Variants in ASB3 observed in about 807,000 individuals in gnomAD.
ASB3 encodes ankyrin repeat and SOCS box containing 3, also known as ankyrin repeat and SOCS box protein 3.
In ASB3, 41 loss-of-function variants were observed where a neutral mutation model predicts 54.5. The observed-to-expected ratio is 0.75, with a 90% CI of 0.59 to 0.98. The LOEUF (loss-of-function observed/expected upper bound fraction) is 0.98, where lower values mean the gene tolerates loss of function less well. Ranked by LOEUF, ASB3 falls within the 50% of genes least tolerant of loss-of-function variation. ASB3 has a pLI of 0.00. For synonymous variants in ASB3, 266 were observed against 221.2 expected (o/e 1.20, Z -1.80); for missense variants, 733 against 620.0 (o/e 1.18, Z -1.94).
chr2:53,712,784 G>C (rs144686977), intron 7 of ASB3, among the ~76,000 whole-genome samples: 1 of 151,702 alleles, frequency 6.6e-6, no homozygotes, highest in African/African-American at 2.4e-5. Context: ...GCGCGCGCGC[G>C]CAATCCAAAA....
chr2:53,677,305 G>A (rs943679184), intron 9 of ASB3, among the ~76,000 whole-genome samples: 6 of 152,126 alleles, frequency 3.9e-5, no homozygotes, highest in African/African-American at 1.4e-4. Flanking sequence ...TTCTCAGACT[G>A]TATCCCCGTT....
At chr2:53,784,321 C>A (rs545430525) in intron 1 of ASB3, among the ~76,000 whole-genome samples, 8 of 152,280 alleles carry the variant, frequency 5.3e-5, no homozygotes, top group Admixed American at 3.9e-4. Flanking sequence ...CTGTCAGGAC[C>A]TCCTGAGGCT....
chr2:53,783,519 G>A (rs767906484), intron 1 of ASB3, among the ~76,000 whole-genome samples: 5 of 151,702 alleles, frequency 3.3e-5, no homozygotes, highest in Admixed American at 6.6e-5. Context: ...TGCCAAGAAG[G>A]ATGAATGAAA....
At chr2:53,704,148 G>A (rs1292380472) in intron 7 of ASB3, among the ~76,000 whole-genome samples, 1 of 151,978 alleles carries the variant, frequency 6.6e-6, no homozygotes, top group African/African-American at 2.4e-5. Flanking sequence ...ATCACTTGAG[G>A]CCAGGAGTTT....
chr2:53,712,745 A>AACACAC (rs3061604), intron 7 of ASB3, among the ~76,000 whole-genome samples: 10 of 150,250 alleles, frequency 6.7e-5, no homozygotes, highest in African/African-American at 2.2e-4. Context: ...CATCATATTG[A>AACACAC]ACACACACAC....
At position 53,670,398 on chromosome 2, in the gene ASB3, A is replaced by G; in HGVS notation, c.*105T>C. 7.6e-7 allele frequency: 1 copy of G among 1,323,560 alleles called. No homozygotes were observed. Among genetic ancestry groups the G allele is most frequent in the Non-Finnish European group, 1.0e-6 (1 of 990,654 alleles). The allele number at this position is 1,323,560 out of a possible 1,614,324, so 82.0% of individuals were successfully genotyped here. On this transcript the variant is annotated 3_prime_UTR_variant, in exon 10 of 10. Transcript: ENST00000263634. ...AAACCTAACCTATCTCACAATCAAT[A>G]ATCATCTTTTGACTATAAAATCATA...
chr2:53,686,729 T>G (rs2103693949), intron 9 of ASB3, among the ~76,000 whole-genome samples: 1 of 152,214 alleles, frequency 6.6e-6, no homozygotes, highest in African/African-American at 2.4e-5. Context: ...ATTTATTTTC[T>G]GAGAGAGACA....
At chr2:53,671,981 C>G (rs1334090347) in intron 9 of ASB3, among the ~76,000 whole-genome samples, 1 of 152,166 alleles carries the variant, frequency 6.6e-6, no homozygotes, top group Non-Finnish European at 1.5e-5. Flanking sequence ...ACCAGACCAG[C>G]TAGTCTGATT....
intron 3 of ASB3, among the ~76,000 whole-genome samples, chr2:53,747,755 T>C (rs1672303045): frequency 6.6e-6 from 1 of 151,970 alleles, no homozygotes; most frequent in Non-Finnish European, 1.5e-5. Context: ...GGGCAGTAAA[T>C]AAACAAGGGA....
chr2:53,726,643 T>C (rs572980826), intron 5 of ASB3, among the ~76,000 whole-genome samples: 1 of 151,436 alleles, frequency 6.6e-6, no homozygotes, highest in African/African-American at 2.4e-5. Context: ...CACATATATA[T>C]ACACACATAT....
rs115035533 is a variant in ASB3 at position 53,687,038 on chromosome 2, G to C, written c.1369+6846C>G. ...CCTGGCCAATTGCTCCTTTCTTAAC[G>C]TACCAACAGACATGCTGATAACTTT... is the stretch of plus-strand genomic sequence containing the variant. On this transcript the variant is annotated intron_variant, in intron 9 of 9. Transcript: ENST00000263634. Among the ~76,000 whole-genome samples, 1,350 of 152,194 alleles carry C rather than the reference G, an allele frequency of 8.9e-3. 23 individuals carry two copies. The highest frequency in any genetic ancestry group is 0.031 in the African/African-American group (1,276 of 41,510).
intron 6 of ASB3, among the ~76,000 whole-genome samples, chr2:53,715,804 G>C (rs1670355677): frequency 6.6e-6 from 1 of 151,894 alleles, no homozygotes; most frequent in South Asian, 2.1e-4. Flanking sequence ...TGCAGAATCT[G>C]TTTTCCTACT....
Position 53,765,589 on chromosome 2 carries a change from C to T in ASB3, c.-13-4G>A, listed in dbSNP as rs1247656544. 2 of 1,614,068 alleles carry T rather than the reference C, an allele frequency of 1.2e-6. No homozygotes were observed. The highest frequency in any genetic ancestry group is 1.7e-6 in the Non-Finnish European group (2 of 1,179,978). On this transcript the variant is annotated splice_polypyrimidine_tract_variant and splice_region_variant and intron_variant, in intron 1 of 9. Transcript: ENST00000263634. ...AAAATCCATTTGTTTGACCAGTCTACAAAACAAGGTAGAAGGATAATACTA... is the reference window on the plus strand; with the variant it reads ...AAAATCCATTTGTTTGACCAGTCTATAAAACAAGGTAGAAGGATAATACTA...
At chr2:53,785,430 T>C (rs993988273) in intron 1 of ASB3, among the ~76,000 whole-genome samples, 1 of 116,792 alleles carries the variant, frequency 8.6e-6, no homozygotes, top group South Asian at 3.4e-4. Flanking sequence ...ACAGAATAAA[T>C]GCTAAAAAAA....
chr2:53,699,090 G>A (rs1421865850), intron 8 of ASB3, among the ~76,000 whole-genome samples: 4 of 152,060 alleles, frequency 2.6e-5, no homozygotes, highest in Admixed American at 6.5e-5. Flanking sequence ...AAAGTCAAGG[G>A]GCCCATCTGA....
At chr2:53,725,282 T>A (rs1220841806) in intron 5 of ASB3, among the ~76,000 whole-genome samples, 1 of 152,098 alleles carries the variant, frequency 6.6e-6, no homozygotes, top group Non-Finnish European at 1.5e-5. Context: ...TGGGGACTAA[T>A]AGAGAGGGGA....
chr2:53,723,135 G>T (rs1670799079), intron 5 of ASB3, among the ~76,000 whole-genome samples: 1 of 152,146 alleles, frequency 6.6e-6, no homozygotes, highest in South Asian at 2.1e-4. Context: ...ATCTTACCAA[G>T]GAGGTGAAAG....
chr2:53,694,335 G>A (rs773820933), intron 8 of ASB3: 2 of 214,610 alleles, frequency 9.3e-6, no homozygotes, highest in Non-Finnish European at 1.8e-5. Context: ...CCTCCCATTT[G>A]GACTATCTTG....
chr2:53,760,692 G>A (rs1409308848), intron 2 of ASB3, among the ~76,000 whole-genome samples: 5 of 152,182 alleles, frequency 3.3e-5, no homozygotes, highest in Admixed American at 2.6e-4. Context: ...GCACCCATCA[G>A]ATGGCCAAAT....
Sources: gnomAD v4.1 joint callset for allele counts (sites outside exome capture counted in the v4.1 genomes callset) on GRCh38, gnomAD v4.1.1 for gene constraint, MANE v1.5 for transcripts, NCBI Gene and HGNC (gene_info 2026-07-23, HGNC 2026-07-21) for gene names.